The following LARP4B variants were observed in gnomAD, a reference collection of about 807,000 sequenced individuals.
LARP4B encodes the protein La ribonucleoprotein 4B.
Under a neutral mutation model 89.8 loss-of-function variants are expected in LARP4B, and 12 were observed. The observed-to-expected ratio is 0.13, with a 90% CI of 0.09 to 0.22. The LOEUF (loss-of-function observed/expected upper bound fraction) is 0.22. LARP4B is among the 10% of genes least tolerant of loss of function. The pLI is 1.00. For synonymous variants in LARP4B, 367 were observed against 363.3 expected, an observed-to-expected ratio of 1.01 and a Z score of -0.12; for missense variants, 757 against 947.7, an observed-to-expected ratio of 0.80 and a Z score of 2.64.
chr10:957,364 CTA>C, the LARP4B span, among the ~76,000 whole-genome samples: 1 of 152,078 alleles, frequency 6.6e-6, no homozygotes, highest in African/African-American at 2.4e-5. Flanking sequence ...CAGGGTTTCA[CTA>C]TGTTGGTCAG....
intron 1 of LARP4B, among the ~76,000 whole-genome samples, chr10:890,991 T>C (rs11253493): frequency 0.16 from 23,828 of 152,136 alleles, 2,029 homozygotes; most frequent in Non-Finnish European, 0.19. Flanking sequence ...CCAACATTAA[T>C]TTCCAGATTT....
At chr10:928,867 C>T (rs1186403495) in intron 1 of LARP4B, among the ~76,000 whole-genome samples, 2 of 149,836 alleles carry the variant, frequency 1.3e-5, no homozygotes, top group Non-Finnish European at 3.0e-5. Context: ...AGCCACCTCA[C>T]CCAGCCTGCA....
intron 8 of LARP4B, among the ~76,000 whole-genome samples, chr10:833,276 AAAAAAAAAC>A (rs1833014774): frequency 1.5e-5 from 2 of 136,696 alleles, no homozygotes; most frequent in Non-Finnish European, 3.3e-5. Flanking sequence ...AAAAAAAAAA[AAAAAAAAAC>A]CTCAAAATGT....
At chr10:914,775 T>C (rs1836772055) in intron 1 of LARP4B, among the ~76,000 whole-genome samples, 2 of 150,774 alleles carry the variant, frequency 1.3e-5, no homozygotes, top group African/African-American at 2.4e-5. Context: ...CACTCCAGCC[T>C]GTGCTACAGA....
chr10:836,591 T>C (rs1364778355), intron 7 of LARP4B, 85 bp from the exon 8 acceptor site: 1 of 846,484 alleles, frequency 1.2e-6, no homozygotes, highest in Non-Finnish European at 1.9e-6. Flanking sequence ...TATTACTATA[T>C]TACTAAATAA....
rs755957061 is a variant in LARP4B, at chr10:884,482, T to C, written c.106A>G (p.Thr36Ala). Residue 36 changes from threonine (T) to alanine (A), a missense_variant, in exon 3 of 18, where the codon ACT becomes GCT. Coordinates refer to ENST00000316157, the MANE Select transcript of LARP4B (RefSeq NM_015155.3). ...GGTGGGATGGAACTTGTCTGAGAAGTGGTTTGAGATATAGGACCATTCATC... is the reference window on the plus strand; with the variant it reads ...GGTGGGATGGAACTTGTCTGAGAAGCGGTTTGAGATATAGGACCATTCATC... ...HLMNGPISQT[T>A]SQTSSIPPLS... is the part of the protein sequence containing the mutation. 1 of 1,606,816 alleles carries C rather than the reference T, an allele frequency of 6.2e-7. No individual in the cohort carries two copies. The highest frequency in any genetic ancestry group is 2.2e-5 in the East Asian group (1 of 44,760).
Position 833,275 on chromosome 10 carries a change from A to C in LARP4B, c.751-2298T>G, listed in dbSNP as rs891911948. Among the ~76,000 whole-genome samples the C allele has an allele frequency of 4.1e-5, 6 of 145,358 alleles. No individual in the cohort carries two copies. The South Asian group carries it at 1.1e-3, about 26-fold the overall frequency. On this transcript the variant is annotated intron_variant, in intron 8 of 17. Coordinates refer to ENST00000316157, the MANE Select transcript of LARP4B (RefSeq NM_015155.3). The stretch of plus-strand genomic sequence containing the variant: ...AAAAAAAAAAAAAAAAAAAAAAAAA[A>C]AAAAAAAAACCTCAAAATGTTTGAA...
At chr10:951,925 A>AACATAC in the LARP4B span, among the ~76,000 whole-genome samples, 2 of 148,518 alleles carry the variant, frequency 1.3e-5, no homozygotes, top group African/African-American at 5.0e-5. Context: ...CCAACTGCAT[A>AACATAC]ACATACAACC....
intron 13 of LARP4B, 54 bp from the exon 14 acceptor site, chr10:820,899 T>G: frequency 6.6e-7 from 1 of 1,519,926 alleles, no homozygotes; most frequent in Non-Finnish European, 9.1e-7. Context: ...GGAGAATTTA[T>G]TATTGAGCAC....
chr10:836,412 G>A lies in LARP4B; in HGVS notation c.741C>T (p.Thr247=), dbSNP rs1271769855. The A allele has an allele frequency of 4.4e-6, 7 of 1,602,888 alleles. No individual in the cohort carries two copies. Among genetic ancestry groups the A allele is most frequent in the Non-Finnish European group, 6.0e-6 (7 of 1,171,092 alleles). ...IVILREISES[T]PVEEVEALFK... is the part of the protein sequence containing the mutation. ...AGGAGAAATTACTTACTTCCACGGG[G>A]GTAGATTCAGATATTTCACGCAATA... The change falls in exon 8 of 18, where the codon ACC becomes ACT. Residue 247 remains threonine, a synonymous_variant. Coordinates refer to ENST00000316157, the MANE Select transcript of LARP4B (RefSeq NM_015155.3).
chr10:913,056 C>T (rs1836715276), intron 1 of LARP4B, among the ~76,000 whole-genome samples: 2 of 146,904 alleles, frequency 1.4e-5, no homozygotes, highest in South Asian at 4.2e-4. Flanking sequence ...CCTGGCAATT[C>T]CTGACTATCC....
chr10:825,874 G>C lies in LARP4B; in HGVS notation c.1126-4C>G. ...CAGTATTTGGAAATGGAGTTACCTA[G>C]ATTCATTTGAAAACAGACAAGTAAA... On this transcript the variant is annotated splice_polypyrimidine_tract_variant and splice_region_variant and intron_variant, in intron 11 of 17. Transcript: ENST00000316157. 2 of 1,577,018 alleles carry C rather than the reference G, an allele frequency of 1.3e-6. No homozygotes were observed. Among genetic ancestry groups the C allele is most frequent in the African/African-American group, 1.3e-5 (1 of 74,452 alleles).
intron 5 of LARP4B, among the ~76,000 whole-genome samples, chr10:855,923 G>A (rs952534118): frequency 7.9e-5 from 12 of 152,332 alleles, no homozygotes; most frequent in African/African-American, 2.6e-4. Flanking sequence ...CCAGACCTAC[G>A]TGGACAAACG....
Position 817,745 on chromosome 10 carries a change from T to C in LARP4B, c.1675A>G (p.Ile559Val). ...CTTACCCTTTCTTTGGATGGTCCTA[T>C]TATCAAGCTAGATAGCCTGTTTTCA... The part of the protein sequence containing the change: ...LFENRLSSLI[I>V]GPSKERTLSA... The change falls in exon 15 of 18, where the codon ATA (isoleucine) becomes GTA (valine). Residue 559 changes from isoleucine (I) to valine (V), a missense_variant. Ile to Val is a conservative substitution (Grantham distance 29, BLOSUM62 3). This residue lies in a region of LARP4B where 387 missense variants were observed against 423.6 expected (regional missense o/e 0.91). Coordinates refer to ENST00000316157, the MANE Select transcript of LARP4B (RefSeq NM_015155.3). 1 of 1,614,206 alleles carries C rather than the reference T, an allele frequency of 6.2e-7. No individual in the cohort carries two copies.
intron 1 of LARP4B, among the ~76,000 whole-genome samples, chr10:915,885 C>CT (rs1836806985): frequency 1.3e-5 from 2 of 151,246 alleles, no homozygotes; most frequent in Non-Finnish European, 1.5e-5. Context: ...AATTATCTGG[C>CT]TAAATGACTA....
intron 14 of LARP4B, chr10:818,561 G>A (rs1198078081): frequency 6.6e-6 from 1 of 152,214 alleles, no homozygotes; most frequent in Non-Finnish European, 1.5e-5. Context: ...AGAAGTGAGT[G>A]TACTTTGTAA....
the LARP4B span, among the ~76,000 whole-genome samples, chr10:940,012 ATTTTTTT>A: frequency 1.3e-4 from 15 of 118,804 alleles, no homozygotes; most frequent in African/African-American, 3.0e-4. Context: ...CGCCCGGCTA[ATTTTTTT>A]TTTTTTTTTT....
chr10:820,901 A>T, intron 13 of LARP4B, 56 bp from the exon 14 acceptor site: 1 of 1,507,228 alleles, frequency 6.6e-7, no homozygotes, highest in Non-Finnish European at 9.2e-7. Flanking sequence ...AGAATTTATT[A>T]TTGAGCACGT....
chr10:876,542 G>T (rs11253488), intron 3 of LARP4B, among the ~76,000 whole-genome samples: 14 of 152,002 alleles, frequency 9.2e-5, no homozygotes, highest in Non-Finnish European at 1.9e-4. Context: ...CAACCCTCTG[G>T]GCACAGTGGA....
Sources: allele counts gnomAD v4.1 joint callset (sites outside exome capture counted in the v4.1 genomes callset), GRCh38; gene constraint gnomAD v4.1.1; regional missense constraint gnomAD v4.1.1; transcripts MANE v1.5; gene names NCBI Gene and HGNC (gene_info 2026-07-23, HGNC 2026-07-21).